SENP3: variants seen among roughly 807,000 people sequenced by gnomAD.
The protein encoded by SENP3 is SUMO specific peptidase 3, also known as sentrin-specific protease 3.
Under a neutral mutation model 66.2 loss-of-function variants are expected in SENP3, and 11 were observed. That is an observed-to-expected ratio of 0.17 (90% CI 0.10 to 0.28). The LOEUF (loss-of-function observed/expected upper bound fraction) is 0.28. SENP3 is among the 10% of genes least tolerant of loss of function. The probability of loss-of-function intolerance (pLI) is 1.00; values close to 1 mark genes in which losing one functional copy is unlikely to be tolerated. For missense variants in SENP3, 548 were observed against 743.7 expected, an observed-to-expected ratio of 0.74 and a Z score of 3.06; for synonymous variants, 292 against 277.6, an observed-to-expected ratio of 1.05 and a Z score of -0.52.
In SENP3 at chr17:7,562,922, G is replaced by A. The variant is rs1277460097; in HGVS notation, c.-11-144G>A. On this transcript the variant is annotated intron_variant, in intron 1 of 10. Transcript: ENST00000321337. The surrounding 1 kb of genome is among the most constrained non-coding windows in gnomAD (Gnocchi z 5.0). ...GGCCCCTTGTGGACCGCGTTAACCG[G>A]GAAGATCTTAAGTTAGGAGTTTTGC... 1.6e-6 allele frequency: 2 copies of A among 1,264,516 alleles called. No individual in the cohort carries two copies. Among genetic ancestry groups the A allele is most frequent in the Non-Finnish European group, 1.0e-6 (1 of 994,058 alleles). The allele number at this position is 1,264,516 out of a possible 1,614,324, so 78.3% of individuals were successfully genotyped here.
chr17:7,563,821 GGGGAGGGGTTA>G, intron 2 of SENP3, 30 bp downstream of exon 2: 1 of 1,458,272 alleles, frequency 6.9e-7, no homozygotes. Flanking sequence ...TGGGGTTGCG[GGGGAGGGGTTA>G]GGGAGGGTTA....
intron 2 of SENP3, among the ~76,000 whole-genome samples, chr17:7,564,097 A>G (rs952591580): frequency 2.6e-5 from 4 of 152,084 alleles, no homozygotes; most frequent in African/African-American, 9.7e-5. Flanking sequence ...TCCACACGAA[A>G]TCCCTTGTCG....
chr17:7,564,319 C>T (rs2071250164), intron 2 of SENP3: 2 of 504,026 alleles, frequency 4.0e-6, no homozygotes, highest in Admixed American at 2.8e-5. Flanking sequence ...ATGCTGGGTA[C>T]TATGCTGGGT....
Position 7,570,838 on chromosome 17 carries a change from C to G in SENP3, c.1564-45C>G, listed in dbSNP as rs1295446725. On this transcript the variant is annotated intron_variant, in intron 9 of 10. Coordinates refer to ENST00000321337, the MANE Select transcript of SENP3 (RefSeq NM_015670.6). The surrounding 1 kb of genome is among the most constrained non-coding windows in gnomAD (Gnocchi z 5.4). Reference sequence around the variant, plus strand: ...GAAGGCAGAAATTGAAGTCCTACCCCTGGGAGTCTCCATGTGAAGGGCCTG... The same window carrying G: ...GAAGGCAGAAATTGAAGTCCTACCCGTGGGAGTCTCCATGTGAAGGGCCTG... The G allele has an allele frequency of 6.2e-7, 1 of 1,606,308 alleles. No individual in the cohort carries two copies. Among genetic ancestry groups the G allele is most frequent in the Admixed American group, 1.7e-5 (1 of 58,656 alleles).
rs2071322512 is a variant in SENP3, at chr17:7,571,865, ATATATATATATATATATATATATATAT to A, written c.*383_*409del. ...TATATATATATATATATATATATAT[ATATATATATATATATATATATATATAT>A]ATATATATATATATATAAAAATATA... On this transcript the variant is annotated 3_prime_UTR_variant, in exon 11 of 11. Coordinates refer to ENST00000321337, the MANE Select transcript of SENP3 (RefSeq NM_015670.6). 2.2e-4 allele frequency: 1 copy of A among 4,552 alleles called. No homozygotes were observed. The highest frequency in any genetic ancestry group is 6.6e-4 in the Non-Finnish European group (1 of 1,514). 0.3% of individuals were successfully genotyped at this position (4,552 alleles called of 1,614,324 possible). A position where few individuals can be genotyped will look rare whatever the true frequency, so the allele number is the denominator to read the frequency against.
intron 6 of SENP3, 133 bp from the exon 7 acceptor site, chr17:7,566,793 GA>G: frequency 1.5e-6 from 1 of 686,098 alleles, no homozygotes; most frequent in Non-Finnish European, 2.6e-6. Flanking sequence ...AACATAGTGA[GA>G]CCCTGTCTCT....
rs754868754 is a variant in SENP3 at position 7,565,002 on chromosome 17, C to T, written c.999C>T (p.Pro333=). The change falls in exon 4 of 11, where the codon CCC becomes CCT. Residue 333 remains proline, a synonymous_variant. Transcript: ENST00000321337. The part of the protein sequence containing the change: ...EFLQTYGSLI[P]LSTDEVVEKL... ...TTCAAACGTATGGCAGCCTCATACC[C>T]CTCAGCACTGATGAGGTAGTAGAGA... is the stretch of plus-strand genomic sequence containing the variant. The T allele has an allele frequency of 1.9e-6, 3 of 1,613,864 alleles. No individual in the cohort carries two copies. The highest frequency in any genetic ancestry group is 2.2e-5 in the East Asian group (1 of 44,884).
In SENP3 at chr17:7,562,665, C is replaced by T. The variant is rs895869282; in HGVS notation, c.-11-401C>T. ...GTCTCCCATTCCAGTCCAGTTTCCA[C>T]GTGCAAGTTGCATTCTCCTCAAGTA... On this transcript the variant is annotated intron_variant, in intron 1 of 10. Transcript: ENST00000321337. The surrounding 1 kb of genome is among the most constrained non-coding windows in gnomAD (Gnocchi z 5.0). 6.6e-6 allele frequency among the ~76,000 whole-genome samples: 1 copy of T among 152,220 alleles called. No individual in the cohort carries two copies. Among genetic ancestry groups the T allele is most frequent in the African/African-American group, 2.4e-5 (1 of 41,450 alleles).
rs2071319622 is a variant in SENP3, at chr17:7,571,840, TATATATATATATATATATATA to T, written c.*358_*378del. ...TGCCTGCCAGATCTTCAAACTTTTATATATATATATATATATATATATATATATATATATATATATATATAT... is the reference window on the plus strand; with the variant it reads ...TGCCTGCCAGATCTTCAAACTTTTATTATATATATATATATATATATATAT... On this transcript the variant is annotated 3_prime_UTR_variant, in exon 11 of 11. Coordinates refer to ENST00000321337, the MANE Select transcript of SENP3 (RefSeq NM_015670.6). 5.2e-5 allele frequency: 1 copy of T among 19,062 alleles called. No homozygotes were observed. The highest frequency in any genetic ancestry group is 8.4e-4 in the African/African-American group (1 of 1,192). 1.2% of individuals were successfully genotyped at this position (19,062 alleles called of 1,614,324 possible).
chr17:7,568,369 A>G (rs1289950550), intron 7 of SENP3, among the ~76,000 whole-genome samples: 1 of 152,236 alleles, frequency 6.6e-6, no homozygotes, highest in Non-Finnish European at 1.5e-5. Flanking sequence ...AGGCTGAGGC[A>G]GATGGATCGC....
intron 6 of SENP3, 113 bp from the exon 7 acceptor site, chr17:7,566,814 A>G: frequency 1.2e-6 from 1 of 824,054 alleles, no homozygotes; most frequent in South Asian, 1.5e-5. Context: ...TACCAAAAAA[A>G]AAAGAAAAAA....
chr17:7,567,407 A>G (rs1393441964), intron 7 of SENP3, among the ~76,000 whole-genome samples: 1 of 151,990 alleles, frequency 6.6e-6, no homozygotes, highest in Non-Finnish European at 1.5e-5. Context: ...AAGCCCAGCT[A>G]TTCCTGGAGG....
In SENP3 at chr17:7,570,785, G is replaced by A. The variant is rs769862994; in HGVS notation, c.1563+21G>A. The A allele has an allele frequency of 1.9e-6, 3 of 1,606,980 alleles. No individual in the cohort carries two copies. The South Asian group carries it at 3.3e-5, about 18-fold the overall frequency. On this transcript the variant is annotated intron_variant, in intron 9 of 10. Transcript: ENST00000321337. The surrounding 1 kb of genome is among the most constrained non-coding windows in gnomAD (Gnocchi z 5.4). ...AAATGGTGAGTTTCCTGAGGGAGGGGTATAGGGTGTTGGTGGGGACAGTGG... is the reference window on the plus strand; with the variant it reads ...AAATGGTGAGTTTCCTGAGGGAGGGATATAGGGTGTTGGTGGGGACAGTGG...
At chr17:7,565,867 G>C (rs1168468442) in intron 6 of SENP3, 103 bp downstream of exon 6, 1 of 976,034 alleles carries the variant, frequency 1.0e-6, no homozygotes, top group Non-Finnish European at 1.6e-6. Flanking sequence ...GAGGGTCTCT[G>C]TTTCAGGGAG....
Position 7,562,707 on chromosome 17 carries a change from C to T in SENP3, c.-11-359C>T, listed in dbSNP as rs2071228981. On this transcript the variant is annotated intron_variant, in intron 1 of 10. Transcript: ENST00000321337. The surrounding 1 kb of genome is among the most constrained non-coding windows in gnomAD (Gnocchi z 5.0). ...CCTCAAGTACCACGGTTATCATGTC[C>T]CTGAGGAAAGAAACTGCCCTTGTTG... Among the ~76,000 whole-genome samples the T allele has an allele frequency of 6.6e-6, 1 of 152,184 alleles. No homozygotes were observed. Among genetic ancestry groups the T allele is most frequent in the Non-Finnish European group, 1.5e-5 (1 of 68,032 alleles).
At position 7,565,687 on chromosome 17, in the gene SENP3, A is replaced by G. The variant is rs375586651; in HGVS notation, c.1216-30A>G. On this transcript the variant is annotated intron_variant, in intron 5 of 10. Coordinates refer to ENST00000321337, the MANE Select transcript of SENP3 (RefSeq NM_015670.6). Reference sequence around the variant, plus strand: ...GCCCTGTACCCATGCCGCACCCTCCATGGCAAGCTGCCTCCCATCTTCTCC... The same window carrying G: ...GCCCTGTACCCATGCCGCACCCTCCGTGGCAAGCTGCCTCCCATCTTCTCC... The G allele has an allele frequency of 7.4e-6, 12 of 1,613,772 alleles. No homozygotes were observed. The African/African-American group carries it at 1.2e-4, about 16-fold the overall frequency.
intron 7 of SENP3, 43 bp downstream of exon 7, chr17:7,567,047 T>A: frequency 1.6e-6 from 2 of 1,262,202 alleles, no homozygotes; most frequent in Non-Finnish European, 2.3e-6. Flanking sequence ...GCCTTGCCTC[T>A]AAAGAATGAG....
Position 7,563,762 on chromosome 17 carries a change from C to T in SENP3, c.686C>T (p.Thr229Ile), listed in dbSNP as rs1597838496. Residue 229 changes from threonine (T) to isoleucine (I), a missense_variant, in exon 2 of 11, where the codon ACT becomes ATT. Thr to Ile is a moderately conservative substitution (Grantham distance 89). Around this residue, in one of 6 missense-constraint regions of SENP3, gnomAD observed 215 missense variants for 230.7 expected, o/e 0.93. Transcript: ENST00000321337. The stretch of plus-strand genomic sequence containing the variant: ...ATGGAGGAAGATGGACTCAGGTGGA[C>T]TCCAAAGTCTCCTCTGGACCCTGAC... The part of the protein sequence containing the change: ...PPMEEDGLRW[T>I]PKSPLDPDSG... 3 of 1,611,908 alleles carry T rather than the reference C, an allele frequency of 1.9e-6. No individual in the cohort carries two copies. The highest frequency in any genetic ancestry group is 1.3e-5 in the African/African-American group (1 of 74,918).
intron 2 of SENP3, among the ~76,000 whole-genome samples, chr17:7,563,994 T>A (rs1483410557): frequency 6.6e-6 from 1 of 152,094 alleles, no homozygotes; most frequent in African/African-American, 2.4e-5. Context: ...CCTGGCAGTT[T>A]CCCAGGCAGA....
Sources: gnomAD v4.1 joint callset for allele counts (sites outside exome capture counted in the v4.1 genomes callset) on GRCh38, gnomAD v4.1.1 for gene constraint, gnomAD v4.1.1 regional missense constraint, Gnocchi (gnomAD v3.1) non-coding constraint, MANE v1.5 for transcripts, NCBI Gene and HGNC (gene_info 2026-07-23, HGNC 2026-07-21) for gene names.